ANO6: variants seen among roughly 807,000 people sequenced by gnomAD.
ANO6 encodes anoctamin-6.
Under a neutral mutation model 117.5 loss-of-function variants are expected in ANO6, and 106 were observed. The observed-to-expected ratio is 0.90, with a 90% CI of 0.77 to 1.06. The LOEUF (loss-of-function observed/expected upper bound fraction) is 1.06, where lower values mean the gene tolerates loss of function less well. Ranked by LOEUF, ANO6 falls within the 50% of genes least tolerant of loss-of-function variation. The pLI is 0.00. For missense variants in ANO6, 955 were observed against 1,121.1 expected, an observed-to-expected ratio of 0.85 and a Z score of 2.12; for synonymous variants, 367 against 385.1, an observed-to-expected ratio of 0.95 and a Z score of 0.55.
At chr12:45,231,126 TA>T (rs1440294501) in intron 1 of ANO6, among the ~76,000 whole-genome samples, 3 of 152,176 alleles carry the variant, frequency 2.0e-5, no homozygotes, top group Non-Finnish European at 4.4e-5. Context: ...GGAAAAATTC[TA>T]AAATGTTTAA....
exon 20 of ANO6, chr12:45,439,720 G>A (rs1377166822): frequency 1.3e-6 from 2 of 1,541,246 alleles, no homozygotes; most frequent in East Asian, 2.5e-5. Context: ...CATGATCTTG[G>A]CTCACTGCAA....
intron 1 of ANO6, among the ~76,000 whole-genome samples, chr12:45,293,521 T>C (rs1243664081): frequency 1.3e-5 from 2 of 152,060 alleles, no homozygotes; most frequent in African/African-American, 4.8e-5. Context: ...AAAAAACCTT[T>C]TTCCTATAAC....
chr12:45,226,575 GT>G (rs1207872267), intron 1 of ANO6, among the ~76,000 whole-genome samples: 2 of 151,594 alleles, frequency 1.3e-5, no homozygotes, highest in African/African-American at 4.9e-5. Flanking sequence ...TATAAAGCTT[GT>G]TTTATCTAAA....
At chr12:45,357,106 T>A (rs1409271061) in intron 7 of ANO6, among the ~76,000 whole-genome samples, 184 bp from the exon 8 acceptor site, 1 of 152,244 alleles carries the variant, frequency 6.6e-6, no homozygotes, top group Admixed American at 6.5e-5. Context: ...TTCCATAATG[T>A]GTAATATACT....
chr12:45,424,331 T>TG (rs1943441678), intron 19 of ANO6, among the ~76,000 whole-genome samples: 2 of 109,444 alleles, frequency 1.8e-5, no homozygotes, highest in South Asian at 7.4e-4. Flanking sequence ...TGATGGGTTT[T>TG]TTTTTTTTTT....
At chr12:45,280,554 A>G (rs1186776968) in intron 1 of ANO6, among the ~76,000 whole-genome samples, 1 of 152,188 alleles carries the variant, frequency 6.6e-6, no homozygotes, top group Non-Finnish European at 1.5e-5. Flanking sequence ...CTGGGAAAAC[A>G]TTGCCTTGGG....
At chr12:45,274,155 C>T (rs567072522) in intron 1 of ANO6, among the ~76,000 whole-genome samples, 1 of 152,188 alleles carries the variant, frequency 6.6e-6, no homozygotes, top group Non-Finnish European at 1.5e-5. Flanking sequence ...ACCCTCTTCC[C>T]CATCTCCACT....
At chr12:45,302,741 T>TA (rs1939537079) in intron 2 of ANO6, among the ~76,000 whole-genome samples, 3 of 152,174 alleles carry the variant, frequency 2.0e-5, no homozygotes, top group Admixed American at 2.0e-4. Context: ...ATATCCTTAG[T>TA]AAATAGATTT....
chr12:45,439,290 C>T (rs950617342), intron 19 of ANO6, among the ~76,000 whole-genome samples: 6 of 152,190 alleles, frequency 3.9e-5, no homozygotes, highest in Admixed American at 2.0e-4. Flanking sequence ...CAGAGGCCAA[C>T]GCAAAAGGCC....
intron 2 of ANO6, among the ~76,000 whole-genome samples, chr12:45,307,058 G>A (rs545764688): frequency 4.3e-4 from 66 of 152,180 alleles, no homozygotes; most frequent in South Asian, 1.0e-3. Flanking sequence ...ATGAAAGATC[G>A]AGAGAATAAT....
intron 1 of ANO6, among the ~76,000 whole-genome samples, chr12:45,240,352 T>TTA (rs1947721274): frequency 5.1e-4 from 7 of 13,792 alleles, no homozygotes; most frequent in Non-Finnish European, 6.8e-4. Context: ...CAACCCCTGA[T>TTA]TTTTTTTTTT....
At chr12:45,384,162 TTTC>T (rs1555175789) in intron 10 of ANO6, among the ~76,000 whole-genome samples, 2 of 152,214 alleles carry the variant, frequency 1.3e-5, no homozygotes, top group Non-Finnish European at 2.9e-5. Context: ...GCTTCAAACT[TTTC>T]TTCTGCAGCT....
chr12:45,395,546 A>G (rs1593061490), intron 12 of ANO6, among the ~76,000 whole-genome samples: 1 of 152,208 alleles, frequency 6.6e-6, no homozygotes, highest in East Asian at 1.9e-4. Flanking sequence ...AAAAAAAGAG[A>G]ATTTTAGGCC....
chr12:45,331,866 C>G (rs994643220), intron 3 of ANO6, among the ~76,000 whole-genome samples: 4 of 152,016 alleles, frequency 2.6e-5, no homozygotes, highest in African/African-American at 9.7e-5. Flanking sequence ...TATAATCACA[C>G]CATTTTATGG....
chr12:45,370,895 C>G (rs1021402737), intron 9 of ANO6, among the ~76,000 whole-genome samples: 1 of 152,132 alleles, frequency 6.6e-6, no homozygotes, highest in Non-Finnish European at 1.5e-5. Flanking sequence ...GTCTACAGCT[C>G]CCAGCCTGAG....
At chr12:45,270,558 C>A in intron 1 of ANO6, 1 of 720,608 alleles carries the variant, frequency 1.4e-6, no homozygotes, top group Non-Finnish European at 2.2e-6. Context: ...TGAACAGCAT[C>A]CTTCCTTCTT....
intron 3 of ANO6, among the ~76,000 whole-genome samples, chr12:45,344,879 T>TG (rs2137438197): frequency 6.6e-6 from 1 of 152,164 alleles, no homozygotes; most frequent in East Asian, 1.9e-4. Context: ...GGGAATATGG[T>TG]GGGTCAGGGG....
chr12:45,439,938 G>T lies in ANO6; in HGVS notation c.2790G>T (p.Ter930TyrextTer27), dbSNP rs1364027805. Reference sequence around the variant, plus strand: ...TTTCTGTATCGAATTTCTTAAGTTAGATTTATTCAATAATTCATTCAACAA... The same window carrying T: ...TTTCTGTATCGAATTTCTTAAGTTATATTTATTCAATAATTCATTCAACAA... The change falls in exon 20 of 20, where the codon TAG (stop) becomes TAT (tyrosine). Residue 930 changes from the stop codon to tyrosine, a stop_lost. Coordinates refer to the ANO6 transcript ENST00000425752. 26 of 1,468,836 alleles carry T rather than the reference G, an allele frequency of 1.8e-5. No individual in the cohort carries two copies. In the South Asian group the frequency reaches 3.9e-4, roughly 22 times the overall value. 91.0% of individuals were successfully genotyped at this position (1,468,836 alleles called of 1,614,324 possible). A position where few individuals can be genotyped will look rare whatever the true frequency, so the allele number is the denominator to read the frequency against.
intron 1 of ANO6, among the ~76,000 whole-genome samples, chr12:45,293,769 G>T (rs1939196592): frequency 1.2e-5 from 1 of 86,734 alleles, no homozygotes; most frequent in African/African-American, 4.2e-5. Flanking sequence ...ATTTTTAGTA[G>T]AGACAGGGTT....
Sources: gnomAD v4.1 joint callset for allele counts (sites outside exome capture counted in the v4.1 genomes callset) on GRCh38, gnomAD v4.1.1 for gene constraint, MANE v1.5 for transcripts, NCBI Gene and HGNC (gene_info 2026-07-23, HGNC 2026-07-21) for gene names.